BBS1: variants seen among roughly 807,000 people sequenced by gnomAD.
The protein encoded by BBS1 is Bardet-Biedl syndrome 1.
A neutral mutation model predicts 73.9 loss-of-function variants in BBS1; 60 were observed. That is an observed-to-expected ratio of 0.81 (90% confidence interval 0.66 to 1.01). The LOEUF (loss-of-function observed/expected upper bound fraction) is 1.01, where lower values mean the gene tolerates loss of function less well. Among genes scored for constraint, BBS1 ranks in the 50% least tolerant of loss-of-function variants. The pLI is 0.00. For synonymous variants in BBS1, 283 were observed against 317.4 expected (o/e 0.89, Z 1.15); for missense variants, 718 against 770.3 (o/e 0.93, Z 0.80).
chr11:66,531,081 C>T (rs1856760762), intron 15 of BBS1, 53 bp downstream of exon 15: 1 of 1,609,556 alleles, frequency 6.2e-7, no homozygotes, highest in Non-Finnish European at 8.5e-7. Context: ...GGGCAGGGGC[C>T]TGATGAGATG....
At position 66,521,253 on chromosome 11, in the gene BBS1, G is replaced by T. The variant is rs749879220; in HGVS notation, c.724-17G>T. On this transcript the variant is annotated splice_polypyrimidine_tract_variant and intron_variant, in intron 8 of 16. Coordinates refer to ENST00000318312, the MANE Select transcript of BBS1 (RefSeq NM_024649.5). ...GGGCTCCAGAGAAATTGGAGTGTTT[G>T]CGCTTCTTGTTTGCAGATGAGCCTT... 6 of 1,602,654 alleles carry T rather than the reference G, an allele frequency of 3.7e-6. No individual in the cohort carries two copies. The South Asian group carries it at 6.6e-5, about 18-fold the overall frequency.
Position 66,532,334 on chromosome 11 carries a change from C to T in BBS1, c.*297C>T, listed in dbSNP as rs540746386. 8 of 458,200 alleles carry T rather than the reference C, an allele frequency of 1.7e-5. No homozygotes were observed. The highest frequency in any genetic ancestry group is 7.8e-5 in the African/African-American group (4 of 51,120). 28.4% of individuals were successfully genotyped at this position (458,200 alleles called of 1,614,324 possible). ...CCATACTGGGCTCAGATCAGAGCTC[C>T]GAAGCGGTCAAAGTGAGCTGAGCAG... On this transcript the variant is annotated 3_prime_UTR_variant, in exon 17 of 17. Coordinates refer to ENST00000318312, the MANE Select transcript of BBS1 (RefSeq NM_024649.5).
rs777838678 is a variant in BBS1, at chr11:66,526,712, T to C, written c.1244T>C (p.Val415Ala). 6.2e-7 allele frequency: 1 copy of C among 1,614,004 alleles called. No homozygotes were observed. Among genetic ancestry groups the C allele is most frequent in the Non-Finnish European group, 8.5e-7 (1 of 1,180,022 alleles). ...GTGTTTGTAGAGGGAGGAAGTGAGG[T>C]GGGTCCCCCACCAGCCCAGGCCATG... is the stretch of plus-strand genomic sequence containing the variant. ...TAVFVEGGSE[V>A]GPPPAQAMKL... The change falls in exon 13 of 17, where the codon GTG becomes GCG. Residue 415 changes from valine to alanine, a missense_variant. Physicochemically the swap from Val to Ala is moderately conservative, Grantham distance 64. Coordinates refer to ENST00000318312, the MANE Select transcript of BBS1 (RefSeq NM_024649.5).
intron 7 of BBS1, among the ~76,000 whole-genome samples, chr11:66,518,466 T>C (rs928029905): frequency 5.3e-5 from 8 of 150,570 alleles, no homozygotes; most frequent in African/African-American, 9.7e-5. Flanking sequence ...TTTTTTTTTT[T>C]TTTTCTTTTC....
At position 66,532,179 on chromosome 11, in the gene BBS1, C is replaced by A. The variant is rs770689756; in HGVS notation, c.*142C>A. 91 of 876,744 alleles carry A rather than the reference C, an allele frequency of 1.0e-4. 2 individuals carry two copies. Among genetic ancestry groups the A allele is most frequent in the South Asian group, 5.3e-4 (32 of 60,878 alleles). The allele number at this position is 876,744 out of a possible 1,614,324, so 54.3% of individuals were successfully genotyped here. On this transcript the variant is annotated 3_prime_UTR_variant, in exon 17 of 17. Transcript: ENST00000318312. Reference sequence around the variant, plus strand: ...CTCTTAAGCACCCGCTTCCTCACCACCCCCACTGTTGGGCCTATAGTAGCA... The same window carrying A: ...CTCTTAAGCACCCGCTTCCTCACCAACCCCACTGTTGGGCCTATAGTAGCA...
At position 66,532,356 on chromosome 11, in the gene BBS1, G is replaced by A. The variant is rs1344059194; in HGVS notation, c.*319G>A. 11 of 409,222 alleles carry A rather than the reference G, an allele frequency of 2.7e-5. No homozygotes were observed. The highest frequency in any genetic ancestry group is 4.1e-5 in the Non-Finnish European group (9 of 219,110). 25.3% of individuals were successfully genotyped at this position (409,222 alleles called of 1,614,324 possible). ...CTCCGAAGCGGTCAAAGTGAGCTGA[G>A]CAGGACAGGCCCAGCCTTTCTCCAC... On this transcript the variant is annotated 3_prime_UTR_variant, in exon 17 of 17. Coordinates refer to ENST00000318312, the MANE Select transcript of BBS1 (RefSeq NM_024649.5).
intron 11 of BBS1, 124 bp downstream of exon 11, chr11:66,524,006 ACAGTGGCT>A: frequency 7.2e-7 from 1 of 1,386,080 alleles, no homozygotes; most frequent in Non-Finnish European, 1.0e-6. Context: ...GAGGCCAGGC[ACAGTGGCT>A]CATGCCTGTA....
chr11:66,531,161 C>A (rs1856765724), intron 15 of BBS1, 133 bp downstream of exon 15: 2 of 1,272,410 alleles, frequency 1.6e-6, no homozygotes, highest in Admixed American at 2.0e-5. Flanking sequence ...GACCTACTCT[C>A]CCACCACAGA....
chr11:66,520,482 A>G, intron 8 of BBS1: 1 of 153,238 alleles, frequency 6.5e-6, no homozygotes, highest in Non-Finnish European at 1.5e-5. Flanking sequence ...ATGGGGTATC[A>G]CCCTGTTGGC....
chr11:66,519,530 C>G, intron 7 of BBS1, 87 bp from the exon 8 acceptor site: 1 of 1,586,960 alleles, frequency 6.3e-7, no homozygotes, highest in Non-Finnish European at 8.6e-7. Flanking sequence ...CTCCTTTGCC[C>G]TCTTTCTTCC....
At chr11:66,522,249 TA>T (rs1273854754) in intron 9 of BBS1, among the ~76,000 whole-genome samples, 19 of 148,510 alleles carry the variant, frequency 1.3e-4, no homozygotes, top group Non-Finnish European at 2.7e-4. Context: ...TGGGAAGAAA[TA>T]AAAAAAAATT....
At position 66,511,040 on chromosome 11, in the gene BBS1, T is replaced by A. The variant is rs772010847; in HGVS notation, c.75T>A (p.Asp25Glu). Residue 25 changes from aspartate to glutamate, a missense_variant, in exon 2 of 17, where the codon GAT becomes GAA. By Grantham distance (45) the Asp-to-Glu change is conservative. Coordinates refer to ENST00000318312, the MANE Select transcript of BBS1 (RefSeq NM_024649.5). ...ATGAGGCCAATTCGAAGTGGTTGGA[T>A]GCGCACTACGACCCAATGGCCAATA... ...ESNEANSKWL[D>E]AHYDPMANIH... 1.5e-5 allele frequency: 25 copies of A among 1,614,054 alleles called. No homozygotes were observed. The East Asian group carries it at 5.6e-4, about 36-fold the overall frequency.
chr11:66,519,972 T>C, intron 8 of BBS1: 1 of 471,438 alleles, frequency 2.1e-6, no homozygotes. Flanking sequence ...GACATAGATA[T>C]ATAACTTTAT....
Position 66,523,802 on chromosome 11 carries a change from C to A in BBS1, c.1030C>A (p.Gln344Lys). The change falls in exon 11 of 17, where the codon CAG becomes AAG. Residue 344 changes from glutamine to lysine, a missense_variant. By Grantham distance (53) the Gln-to-Lys change is moderately conservative. Transcript: ENST00000318312. ...CCTGGAGCAGCATTCCCGGGGCCTG[C>A]AGGCCGTCATGGCTGGGCTGGCCAA... Reference protein sequence around the residue: ...NLLEQHSRGLQAVMAGLANGE... With the variant: ...NLLEQHSRGLKAVMAGLANGE... 6.2e-7 allele frequency: 1 copy of A among 1,613,648 alleles called. No homozygotes were observed.
chr11:66,518,565 C>T (rs201079577), intron 7 of BBS1, among the ~76,000 whole-genome samples: 1 of 150,708 alleles, frequency 6.6e-6, no homozygotes, highest in South Asian at 2.1e-4. Context: ...TCCCGGGTTC[C>T]AGCGATTCTC....
chr11:66,520,029 C>A, intron 8 of BBS1: 1 of 368,016 alleles, frequency 2.7e-6, no homozygotes, highest in Non-Finnish European at 5.2e-6. Flanking sequence ...GTGTGGTGGC[C>A]CATGCCTCTA....
intron 4 of BBS1, 103 bp downstream of exon 4, chr11:66,514,781 TC>T: frequency 7.4e-7 from 1 of 1,353,450 alleles, no homozygotes; most frequent in Non-Finnish European, 1.0e-6. Context: ...TGGCAGGAGG[TC>T]AGCTATAGTC....
chr11:66,529,656 A>G (rs781366189), intron 13 of BBS1, among the ~76,000 whole-genome samples, 163 bp from the exon 14 acceptor site: 2 of 151,834 alleles, frequency 1.3e-5, no homozygotes, highest in Non-Finnish European at 2.9e-5. Context: ...GAGTTTTGCC[A>G]GAAGGCTGGG....
chr11:66,517,926 C>A (rs1001727865), intron 7 of BBS1, among the ~76,000 whole-genome samples: 1 of 147,564 alleles, frequency 6.8e-6, no homozygotes, highest in Non-Finnish European at 1.5e-5. Flanking sequence ...ATTTTTAAAA[C>A]TAGGATTATA....
Sources: gnomAD v4.1 joint callset for allele counts (sites outside exome capture counted in the v4.1 genomes callset) on GRCh38, gnomAD v4.1.1 for gene constraint, MANE v1.5 for transcripts, NCBI Gene and HGNC (gene_info 2026-07-23, HGNC 2026-07-21) for gene names.